ACER3: variants seen among roughly 807,000 people sequenced by gnomAD.
ACER3 encodes the protein alkCDase 3.
A neutral mutation model predicts 48.9 loss-of-function variants in ACER3; 16 were observed. The observed-to-expected ratio is 0.33, with a 90% confidence interval of 0.22 to 0.50. The LOEUF (loss-of-function observed/expected upper bound fraction) is 0.50. ACER3 is among the 20% of genes least tolerant of loss of function. The pLI is 0.98. For missense variants in ACER3, 227 were observed against 326.0 expected, an observed-to-expected ratio of 0.70 and a Z score of 2.34; for synonymous variants, 109 against 107.8, an observed-to-expected ratio of 1.01 and a Z score of -0.07.
chr11:77,006,626 A>T (rs558207795), intron 7 of ACER3, among the ~76,000 whole-genome samples: 3 of 151,272 alleles, frequency 2.0e-5, no homozygotes, highest in South Asian at 4.2e-4. Context: ...GTTGACAATT[A>T]TTTTTTTTCA....
intron 2 of ACER3, among the ~76,000 whole-genome samples, chr11:76,932,926 G>C (rs1176781680): frequency 6.6e-6 from 1 of 150,636 alleles, no homozygotes; most frequent in African/African-American, 2.5e-5. Flanking sequence ...AGCAGTCTAA[G>C]ATCTGGTAGA....
At chr11:76,920,371 G>A (rs1175339245) in intron 1 of ACER3, among the ~76,000 whole-genome samples, 2 of 152,096 alleles carry the variant, frequency 1.3e-5, no homozygotes, top group East Asian at 3.9e-4. Flanking sequence ...AAGCTCTATG[G>A]GTATAGCACC....
At chr11:76,937,643 A>G (rs1457252189) in intron 2 of ACER3, among the ~76,000 whole-genome samples, 2 of 152,204 alleles carry the variant, frequency 1.3e-5, no homozygotes, top group Admixed American at 6.5e-5. Flanking sequence ...AAATATACAC[A>G]TTACTTATTT....
chr11:76,958,734 G>A, intron 2 of ACER3: 1 of 508,486 alleles, frequency 2.0e-6, no homozygotes, highest in Non-Finnish European at 3.6e-6. Context: ...AGAAATAATG[G>A]AATATTGTTA....
chr11:76,898,902 T>C (rs1372629901), intron 1 of ACER3, among the ~76,000 whole-genome samples: 1 of 28,804 alleles, frequency 3.5e-5, no homozygotes, highest in Non-Finnish European at 4.9e-5. Context: ...AGACTCCGTC[T>C]CAAAAAAAAA....
chr11:76,900,702 G>A (rs1200392666), intron 1 of ACER3, among the ~76,000 whole-genome samples: 2 of 152,166 alleles, frequency 1.3e-5, no homozygotes, highest in African/African-American at 2.4e-5. Context: ...CTGCCAGATT[G>A]TCTAATGTCA....
chr11:77,016,807 G>A (rs373617145), intron 9 of ACER3, 28 bp downstream of exon 9: 188 of 1,246,554 alleles, frequency 1.5e-4, no homozygotes, highest in African/African-American at 1.9e-4. Context: ...TTTTAGCCTC[G>A]TACTAGAGTT....
In ACER3 at chr11:76,952,141, C is replaced by T. The variant is rs1344962800; in HGVS notation, c.215-6838C>T. Among the ~76,000 whole-genome samples, 54 of 63,860 alleles carry T rather than the reference C, an allele frequency of 8.5e-4. No homozygotes were observed. The South Asian group carries it at 9.3e-3, about 11-fold the overall frequency. The allele number at this position is 63,860 out of a possible 152,430, so 41.9% of individuals were successfully genotyped here. A position where few individuals can be genotyped will look rare whatever the true frequency, so the allele number is the denominator to read the frequency against. On this transcript the variant is annotated intron_variant, in intron 2 of 10. Coordinates refer to ENST00000532485, the MANE Select transcript of ACER3 (RefSeq NM_018367.7). ...AGAAAAAATATTATATATATATATA[C>T]ACACACACACACACACACACACACA...
Position 76,960,243 on chromosome 11 carries a change from T to C in ACER3, c.267+1212T>C, listed in dbSNP as rs185395104. 7.2e-3 allele frequency among the ~76,000 whole-genome samples: 1,102 copies of C among 152,124 alleles called. 9 individuals are homozygous for C. The highest frequency in any genetic ancestry group is 0.011 in the Non-Finnish European group (747 of 68,000). The stretch of plus-strand genomic sequence containing the variant: ...GGCCAACATGTGGAAACCCCGTCTC[T>C]ACTAAAAATACAAAAATTAGCTGGG... On this transcript the variant is annotated intron_variant, in intron 3 of 10. Transcript: ENST00000532485.
At chr11:76,909,997 A>G (rs1283954032) in intron 1 of ACER3, among the ~76,000 whole-genome samples, 3 of 152,130 alleles carry the variant, frequency 2.0e-5, no homozygotes, top group Admixed American at 2.0e-4. Context: ...GGAAAGAATC[A>G]TTCTCAGCAA....
chr11:76,966,759 C>T (rs1466716570), intron 3 of ACER3, among the ~76,000 whole-genome samples: 28 of 149,034 alleles, frequency 1.9e-4, no homozygotes, highest in African/African-American at 3.3e-4. Flanking sequence ...TTGAAACCAA[C>T]GAGAACAAAG....
chr11:76,887,034 G>T (rs1945691200), intron 1 of ACER3, among the ~76,000 whole-genome samples: 1 of 152,094 alleles, frequency 6.6e-6, no homozygotes, highest in Admixed American at 6.5e-5. Flanking sequence ...CAAAATAAAT[G>T]ATGAGAAAAA....
At chr11:76,929,340 A>T (rs1946927927) in intron 2 of ACER3, among the ~76,000 whole-genome samples, 1 of 152,228 alleles carries the variant, frequency 6.6e-6, no homozygotes, top group Admixed American at 6.5e-5. Context: ...GAAGTTGCTT[A>T]TCAGCTTAAG....
chr11:76,967,037 T>A (rs565511820), intron 3 of ACER3, among the ~76,000 whole-genome samples: 1 of 152,060 alleles, frequency 6.6e-6, no homozygotes, highest in African/African-American at 2.4e-5. Flanking sequence ...TTTGAAAAGA[T>A]CAACAAAATT....
intron 1 of ACER3, among the ~76,000 whole-genome samples, chr11:76,875,255 A>G (rs1945343094): frequency 6.6e-6 from 1 of 151,470 alleles, no homozygotes; most frequent in Non-Finnish European, 1.5e-5. Context: ...CTGGGATTAC[A>G]GGCGCAGGCC....
chr11:76,886,588 G>A (rs186739701), intron 1 of ACER3, among the ~76,000 whole-genome samples: 3 of 152,332 alleles, frequency 2.0e-5, no homozygotes, highest in East Asian at 3.9e-4. Context: ...TTTGATCATA[G>A]TGGGAGACTA....
intron 7 of ACER3, among the ~76,000 whole-genome samples, chr11:77,013,964 CAG>C (rs1343625823): frequency 2.6e-5 from 4 of 152,104 alleles, no homozygotes; most frequent in Admixed American, 6.5e-5. Flanking sequence ...GCTATACAAT[CAG>C]GGGTATATAT....
At chr11:76,988,665 G>A (rs762959823) in intron 5 of ACER3, among the ~76,000 whole-genome samples, 5 of 152,204 alleles carry the variant, frequency 3.3e-5, no homozygotes, top group Admixed American at 1.3e-4. Flanking sequence ...AATTCAAGAT[G>A]AGATTTTGGG....
intron 1 of ACER3, among the ~76,000 whole-genome samples, chr11:76,894,037 T>G (rs1945871501): frequency 6.6e-6 from 1 of 152,164 alleles, no homozygotes. Context: ...ATGCCTATAA[T>G]TCCAGCACTT....
Sources: allele counts gnomAD v4.1 joint callset (sites outside exome capture counted in the v4.1 genomes callset), GRCh38; gene constraint gnomAD v4.1.1; transcripts MANE v1.5; gene names NCBI Gene and HGNC (gene_info 2026-07-23, HGNC 2026-07-21).